Variants in PDE7B observed in about 807,000 individuals in gnomAD.
PDE7B encodes 3',5'-cyclic-AMP phosphodiesterase 7B.
Under a neutral mutation model 56.2 loss-of-function variants are expected in PDE7B, and 29 were observed. The ratio of observed to expected loss-of-function variants is 0.52; its 90% confidence interval spans 0.38 to 0.70. The LOEUF is 0.70. PDE7B is among the 30% of genes least tolerant of loss of function. The probability of loss-of-function intolerance (pLI) is 0.00; values close to 1 mark genes in which losing one functional copy is unlikely to be tolerated. For missense variants in PDE7B, 490 were observed against 565.0 expected (o/e 0.87, Z 1.35); for synonymous variants, 197 against 196.9 (o/e 1.00, Z 0.00).
At chr6:136,139,409 G>A (rs967191678) in intron 3 of PDE7B, among the ~76,000 whole-genome samples, 2 of 152,148 alleles carry the variant, frequency 1.3e-5, no homozygotes, top group African/African-American at 2.4e-5. Context: ...TTGCTATTGT[G>A]AATAGTGCCT....
At chr6:135,874,135 G>A (rs1775444168) in intron 1 of PDE7B, among the ~76,000 whole-genome samples, 1 of 152,158 alleles carries the variant, frequency 6.6e-6, no homozygotes, top group Non-Finnish European at 1.5e-5. Flanking sequence ...TGAAGGAATT[G>A]AGGGAGTAAA....
At chr6:135,979,954 T>C (rs981320447) in intron 2 of PDE7B, among the ~76,000 whole-genome samples, 5 of 152,130 alleles carry the variant, frequency 3.3e-5, no homozygotes, top group South Asian at 2.1e-4. Context: ...AAAGTTCATA[T>C]GGAACCAAAA....
At chr6:136,128,815 G>A (rs971229725) in intron 3 of PDE7B, among the ~76,000 whole-genome samples, 3 of 152,082 alleles carry the variant, frequency 2.0e-5, no homozygotes. Context: ...GCCACCATGG[G>A]GAAAAGACTA....
intron 10 of PDE7B, among the ~76,000 whole-genome samples, chr6:136,180,643 C>A: frequency 6.6e-6 from 1 of 152,188 alleles, no homozygotes. Flanking sequence ...CTCATAGGGT[C>A]ATCATTACTG....
chr6:136,112,902 A>G (rs1184634778), intron 3 of PDE7B, among the ~76,000 whole-genome samples: 3 of 152,188 alleles, frequency 2.0e-5, no homozygotes, highest in African/African-American at 7.2e-5. Flanking sequence ...TGCCTGGCAT[A>G]GTCCTAGTTT....
At chr6:135,858,773 A>G (rs1320063841) in intron 1 of PDE7B, among the ~76,000 whole-genome samples, 2 of 152,178 alleles carry the variant, frequency 1.3e-5, no homozygotes, top group Non-Finnish European at 2.9e-5. Context: ...ATATTTTACC[A>G]TACATATTTT....
At chr6:136,041,786 T>A (rs184964574) in intron 2 of PDE7B, among the ~76,000 whole-genome samples, 51 of 152,362 alleles carry the variant, frequency 3.3e-4, no homozygotes, top group African/African-American at 1.1e-3. Context: ...AAAGGAATTA[T>A]CTAATTATCT....
chr6:135,862,267 T>A (rs1775164949), intron 1 of PDE7B, among the ~76,000 whole-genome samples: 1 of 151,882 alleles, frequency 6.6e-6, no homozygotes, highest in African/African-American at 2.4e-5. Flanking sequence ...AAGCATTTCT[T>A]ATTAAATGTT....
At chr6:136,163,163 G>T (rs1778737183) in intron 8 of PDE7B, among the ~76,000 whole-genome samples, 1 of 152,232 alleles carries the variant, frequency 6.6e-6, no homozygotes, top group African/African-American at 2.4e-5. Context: ...TGCCCTAGCA[G>T]AGGTTTTCCA....
chr6:135,995,192 A>T (rs1775542798), intron 2 of PDE7B, among the ~76,000 whole-genome samples: 1 of 151,746 alleles, frequency 6.6e-6, no homozygotes, highest in Non-Finnish European at 1.5e-5. Context: ...TCATGTCCCA[A>T]ACCTTAACCC....
At chr6:136,075,366 AAACATGCTG>A (rs1365487833) in intron 2 of PDE7B, among the ~76,000 whole-genome samples, 1 of 152,200 alleles carries the variant, frequency 6.6e-6, no homozygotes, top group Non-Finnish European at 1.5e-5. Context: ...ACAAAAAGGA[AAACATGCTG>A]AACTGTATTC....
chr6:135,869,389 T>C (rs1178685416), intron 1 of PDE7B, among the ~76,000 whole-genome samples: 1 of 152,126 alleles, frequency 6.6e-6, no homozygotes, highest in Non-Finnish European at 1.5e-5. Flanking sequence ...CTCTAATATA[T>C]GGATAAAATT....
In PDE7B at chr6:135,940,513, T is replaced by C. The variant is rs138441883; in HGVS notation, c.22-6951T>C. Among the ~76,000 whole-genome samples the C allele has an allele frequency of 1.5e-3, 231 of 152,384 alleles. 1 individual carries two copies. The East Asian group carries it at 0.027, about 18-fold the overall frequency. ...CATTCACTCACTTGATAGACATTAA[T>C]GGAGATCCAAACTTCCAGGCACTGT... On this transcript the variant is annotated intron_variant, in intron 1 of 12. Transcript: ENST00000308191.
intron 8 of PDE7B, among the ~76,000 whole-genome samples, chr6:136,167,028 C>T (rs960185922): frequency 2.0e-5 from 3 of 152,030 alleles, no homozygotes; most frequent in Admixed American, 6.6e-5. Context: ...TTAGCTCCTC[C>T]CTTGAGGCCT....
intron 2 of PDE7B, among the ~76,000 whole-genome samples, chr6:135,953,701 A>G (rs1285953914): frequency 2.0e-5 from 3 of 152,164 alleles, no homozygotes; most frequent in African/African-American, 4.8e-5. Flanking sequence ...AATGATCTCA[A>G]TTTGGTTCAA....
chr6:136,147,250 CTT>C lies in PDE7B; in HGVS notation c.167-98_167-97del, dbSNP rs1312666257. ...ATATTTTTAAAAGTATAGAAAGCATCTTTTAAATTTCTCTTCTTTTAATGCAT... is the reference window on the plus strand; with the variant it reads ...ATATTTTTAAAAGTATAGAAAGCATCTTAAATTTCTCTTCTTTTAATGCAT... On this transcript the variant is annotated intron_variant, in intron 3 of 12. Coordinates refer to ENST00000308191, the MANE Select transcript of PDE7B (RefSeq NM_018945.4). The C allele has an allele frequency of 2.8e-5, 20 of 719,428 alleles. No homozygotes were observed. The Admixed American group carries it at 2.8e-4, about 10-fold the overall frequency. The allele number at this position is 719,428 out of a possible 1,614,324, so 44.6% of individuals were successfully genotyped here. A position where few individuals can be genotyped will look rare whatever the true frequency, so the allele number is the denominator to read the frequency against.
chr6:135,987,190 C>A (rs1434273806), intron 2 of PDE7B, among the ~76,000 whole-genome samples: 1 of 152,160 alleles, frequency 6.6e-6, no homozygotes, highest in Non-Finnish European at 1.5e-5. Flanking sequence ...GAGGAGCAGA[C>A]AATAAAGAAC....
chr6:136,099,196 T>TCCCAC (rs146698449), intron 2 of PDE7B, among the ~76,000 whole-genome samples: 4,075 of 152,298 alleles, frequency 0.027, 179 homozygotes, highest in African/African-American at 0.091. Flanking sequence ...TTGGGTTGGT[T>TCCCAC]CCAAGTCTTT....
rs189053240 is a variant in PDE7B, at chr6:136,099,729, T to C, written c.83-9002T>C. 3.2e-4 allele frequency among the ~76,000 whole-genome samples: 49 copies of C among 152,358 alleles called. No homozygotes were observed. In the East Asian group the frequency reaches 7.3e-3, roughly 23 times the overall value. ...TTTCTCCCATTCTGTAGGTTGCCTG[T>C]TCACCCTGATGATAGTTTCTTTTGC... On this transcript the variant is annotated intron_variant, in intron 2 of 12. Coordinates refer to ENST00000308191, the MANE Select transcript of PDE7B (RefSeq NM_018945.4).
Sources: gnomAD v4.1 joint callset for allele counts (sites outside exome capture counted in the v4.1 genomes callset) on GRCh38, gnomAD v4.1.1 for gene constraint, MANE v1.5 for transcripts, NCBI Gene and HGNC (gene_info 2026-07-23, HGNC 2026-07-21) for gene names.